The following MYO10 variants were observed in gnomAD, a reference collection of about 807,000 sequenced individuals.
MYO10 encodes the protein unconventional myosin-X.
MYO10 carries 133 observed loss-of-function variants against 257.3 expected under a neutral mutation model. The ratio of observed to expected loss-of-function variants is 0.52; its 90% CI spans 0.45 to 0.60. The LOEUF (loss-of-function observed/expected upper bound fraction) is 0.60. Among genes scored for constraint, MYO10 ranks in the 20% least tolerant of loss-of-function variants. The probability of loss-of-function intolerance (pLI) is 0.00; values close to 1 mark genes in which losing one functional copy is unlikely to be tolerated. For missense variants in MYO10, 2,399 were observed against 2,635.7 expected, an observed-to-expected ratio of 0.91 and a Z score of 1.97; for synonymous variants, 1,104 against 1,028.6, an observed-to-expected ratio of 1.07 and a Z score of -1.40.
At chr5:16,783,966 T>C (rs566222920) in intron 4 of MYO10, among the ~76,000 whole-genome samples, 45 of 152,166 alleles carry the variant, frequency 3.0e-4, no homozygotes, top group Non-Finnish European at 5.1e-4. Context: ...CACTAACTCA[T>C]GTTATTCCCA....
chr5:16,686,990 G>A (rs768822345), intron 28 of MYO10, among the ~76,000 whole-genome samples: 3 of 152,052 alleles, frequency 2.0e-5, no homozygotes, highest in Non-Finnish European at 4.4e-5. Flanking sequence ...TATTTCAAAT[G>A]AGTACTCTCA....
intron 2 of MYO10, among the ~76,000 whole-genome samples, chr5:16,857,761 T>C (rs757137005): frequency 2.0e-5 from 3 of 152,170 alleles, no homozygotes; most frequent in Non-Finnish European, 4.4e-5. Flanking sequence ...AACAAAGCAA[T>C]TGGGCTTAAC....
At chr5:16,814,521 G>A (rs2126700901) in intron 3 of MYO10, 1 of 152,098 alleles carries the variant, frequency 6.6e-6, no homozygotes, top group African/African-American at 2.4e-5. Context: ...AACATCTCTG[G>A]AACAATTCAA....
At chr5:16,676,404 G>A (rs1736724971) in intron 33 of MYO10, among the ~76,000 whole-genome samples, 1 of 152,016 alleles carries the variant, frequency 6.6e-6, no homozygotes, top group African/African-American at 2.4e-5. Context: ...TTCTCCCCTG[G>A]AGATTACATA....
chr5:16,669,301 CCTCCTGAGTTCAAGCGATT>C (rs1736329696), intron 39 of MYO10, among the ~76,000 whole-genome samples: 1 of 152,052 alleles, frequency 6.6e-6, no homozygotes, highest in Non-Finnish European at 1.5e-5. Context: ...GCAACCTCCA[CCTCCTGAGTTCAAGCGATT>C]CTCCTGTCTC....
intron 2 of MYO10, among the ~76,000 whole-genome samples, chr5:16,859,387 C>T (rs1333040840): frequency 6.6e-6 from 1 of 152,118 alleles, no homozygotes; most frequent in Non-Finnish European, 1.5e-5. Flanking sequence ...GGGGCCCACC[C>T]TCATGACCTA....
intron 16 of MYO10, among the ~76,000 whole-genome samples, 168 bp downstream of exon 16, chr5:16,761,877 T>G (rs1740722910): frequency 6.6e-6 from 1 of 151,918 alleles, no homozygotes; most frequent in Admixed American, 6.6e-5. Flanking sequence ...GGTCTCAAAC[T>G]CCTGTCCTCA....
At chr5:16,930,652 A>C (rs31454) in intron 1 of MYO10, among the ~76,000 whole-genome samples, 48,641 of 152,096 alleles carry the variant, frequency 0.32, 8,035 homozygotes, top group Middle Eastern at 0.42. Context: ...CTTTGTTATT[A>C]CTCACCTACT....
intron 1 of MYO10, among the ~76,000 whole-genome samples, chr5:16,921,133 A>ATAAAG (rs1194530434): frequency 5.8e-3 from 114 of 19,666 alleles, no homozygotes; most frequent in Non-Finnish European, 1.0e-2. Context: ...ATAACATAAG[A>ATAAAG]TAAAATAAAA....
At chr5:16,791,939 C>T (rs1432754747) in intron 4 of MYO10, among the ~76,000 whole-genome samples, 4 of 152,088 alleles carry the variant, frequency 2.6e-5, no homozygotes, top group Admixed American at 6.6e-5. Context: ...CGCTTCATTT[C>T]GATTAACTGC....
rs556170780 is a variant in MYO10, at chr5:16,848,459, T to TAG, written c.120+29149_120+29150insCT. Among the ~76,000 whole-genome samples, 288 of 152,204 alleles carry TAG rather than the reference T, an allele frequency of 1.9e-3. 1 individual carries two copies. Among genetic ancestry groups the TAG allele is most frequent in the African/African-American group, 6.6e-3 (274 of 41,522 alleles). On this transcript the variant is annotated intron_variant, in intron 2 of 40. Coordinates refer to ENST00000513610, the MANE Select transcript of MYO10 (RefSeq NM_012334.3). ...ATAGCCATGAGCCATCGCACCTGGC[T>TAG]AAACACATTTCTTTACTGCAGAAAT...
chr5:16,765,935 T>C lies in MYO10; in HGVS notation c.1179+145A>G, dbSNP rs1387966365. The stretch of plus-strand genomic sequence containing the variant: ...TCCCAATCCTTTGGTATCTTCTTTA[T>C]TTTTATCATGAACCAGTCATTTGAA... On this transcript the variant is annotated intron_variant, in intron 11 of 40. Coordinates refer to ENST00000513610, the MANE Select transcript of MYO10 (RefSeq NM_012334.3). 5 of 636,688 alleles carry C rather than the reference T, an allele frequency of 7.9e-6. No homozygotes were observed. The East Asian group carries it at 1.1e-4, about 14-fold the overall frequency. 39.4% of individuals were successfully genotyped at this position (636,688 alleles called of 1,614,324 possible).
intron 29 of MYO10, 124 bp from the exon 30 acceptor site, chr5:16,684,059 A>T: frequency 1.2e-6 from 1 of 839,294 alleles, no homozygotes; most frequent in Non-Finnish European, 1.9e-6. Flanking sequence ...TAACTTCAAA[A>T]TAATAGTTAT....
intron 28 of MYO10, 107 bp downstream of exon 28, chr5:16,689,717 T>A: frequency 1.1e-6 from 1 of 875,380 alleles, no homozygotes. Context: ...AAAAAGTCAA[T>A]TAAAATTTTT....
intron 3 of MYO10, among the ~76,000 whole-genome samples, chr5:16,807,240 T>C (rs972270517): frequency 1.3e-5 from 2 of 152,220 alleles, no homozygotes; most frequent in African/African-American, 4.8e-5. Context: ...ATATGTTCAG[T>C]GGTCCACTGG....
At chr5:16,927,393 C>G (rs1349185837) in intron 1 of MYO10, among the ~76,000 whole-genome samples, 1 of 152,068 alleles carries the variant, frequency 6.6e-6, no homozygotes, top group African/African-American at 2.4e-5. Flanking sequence ...GGCACAATCT[C>G]GGCTCACTGG....
At chr5:16,793,343 GAGA>G (rs1299157588) in intron 4 of MYO10, among the ~76,000 whole-genome samples, 1 of 152,134 alleles carries the variant, frequency 6.6e-6, no homozygotes, top group African/African-American at 2.4e-5. Context: ...TTTATTTATT[GAGA>G]AGGAGTCTCA....
At chr5:16,866,684 T>C (rs2126751423) in intron 2 of MYO10, among the ~76,000 whole-genome samples, 1 of 151,976 alleles carries the variant, frequency 6.6e-6, no homozygotes, top group Non-Finnish European at 1.5e-5. Flanking sequence ...GATAAAAATA[T>C]ACATTTAAAA....
chr5:16,770,821 T>A (rs1223003527), intron 9 of MYO10, among the ~76,000 whole-genome samples: 2 of 152,224 alleles, frequency 1.3e-5, no homozygotes, highest in Non-Finnish European at 2.9e-5. Flanking sequence ...CAGCCTGGGG[T>A]GCAGTGGCAC....
Sources: allele counts gnomAD v4.1 joint callset (sites outside exome capture counted in the v4.1 genomes callset), GRCh38; gene constraint gnomAD v4.1.1; transcripts MANE v1.5; gene names NCBI Gene and HGNC (gene_info 2026-07-23, HGNC 2026-07-21).